Variants in FBLN1 observed in about 807,000 individuals in gnomAD.
FBLN1 encodes fibulin 1, also known as fibulin-1.
FBLN1 carries 34 observed loss-of-function variants against 89.7 expected under a neutral mutation model. That is an observed-to-expected ratio of 0.38 (90% CI 0.29 to 0.50). The LOEUF is 0.50. FBLN1 is among the 20% of genes least tolerant of loss of function. The pLI, the probability that FBLN1 is intolerant of heterozygous loss-of-function variation, is 0.92. For missense variants in FBLN1, 777 were observed against 988.1 expected (o/e 0.79, Z 2.86); for synonymous variants, 393 against 391.3 (o/e 1.00, Z -0.05).
Position 45,525,664 on chromosome 22 carries a change from G to C in FBLN1, c.307G>C (p.Ala103Pro). The C allele has an allele frequency of 6.4e-7, 1 of 1,551,484 alleles. No homozygotes were observed. Among genetic ancestry groups the C allele is most frequent in the Non-Finnish European group, 8.7e-7 (1 of 1,147,042 alleles). ...CCACGGTGACAACGCCAGCCTGGAG[G>C]CCACATTTGTGAAGGTGAGAGCCAA... The part of the protein sequence containing the change: ...TPHGDNASLE[A>P]TFVKRCCHCC... Residue 103 changes from alanine to proline, a missense_variant, in exon 3 of 17, where the codon GCC becomes CCC. Transcript: ENST00000327858.
At position 45,550,411 on chromosome 22, in the gene FBLN1, A is replaced by T. The variant is rs2088686339; in HGVS notation, c.1574-81A>T. On this transcript the variant is annotated intron_variant, in intron 13 of 16. Transcript: ENST00000327858. This position sits in a 1 kb window ranked among gnomAD's most constrained non-coding sequence, Gnocchi z 8.4. ...GCCACCCCTAACCCTAGTTGATGGG[A>T]GGCCTGGGCTCCTCCGTCTCCAGAT... 1.2e-6 allele frequency: 2 copies of T among 1,602,774 alleles called. No individual in the cohort carries two copies. Among genetic ancestry groups the T allele is most frequent in the Non-Finnish European group, 1.7e-6 (2 of 1,172,466 alleles).
chr22:45,555,037 G>A lies in FBLN1; in HGVS notation c.1697+4422G>A, dbSNP rs376083954. Among the ~76,000 whole-genome samples the A allele has an allele frequency of 7.2e-3, 1,063 of 148,622 alleles. 8 individuals carry two copies. The highest frequency in any genetic ancestry group is 0.017 in the South Asian group (78 of 4,606). ...ACCCGTCCCCGTCTCCACCGCAGGA[G>A]GTTAGGACCCGTCCCCGTCTCCACC... On this transcript the variant is annotated intron_variant, in intron 14 of 16. Transcript: ENST00000327858.
intron 2 of FBLN1, among the ~76,000 whole-genome samples, chr22:45,522,662 C>T (rs1350396330): frequency 6.6e-6 from 1 of 152,212 alleles, no homozygotes; most frequent in Non-Finnish European, 1.5e-5. Flanking sequence ...CATCATGAAT[C>T]ATCTTGACTC....
intron 2 of FBLN1, among the ~76,000 whole-genome samples, chr22:45,523,961 C>G (rs182895432): frequency 1.9e-4 from 29 of 152,210 alleles, no homozygotes; most frequent in Non-Finnish European, 3.8e-4. Context: ...TTCTGGCTAG[C>G]CAATAGTTTT....
At chr22:45,560,708 C>T (rs1223707483) in intron 14 of FBLN1, among the ~76,000 whole-genome samples, 1 of 152,148 alleles carries the variant, frequency 6.6e-6, no homozygotes, top group Non-Finnish European at 1.5e-5. Context: ...GCCCGTTCTC[C>T]AGATTAGTTT....
At position 45,563,223 on chromosome 22, in the gene FBLN1, C is replaced by T. The variant is rs1482531270; in HGVS notation, c.1698-11288C>T. The T allele has an allele frequency of 1.9e-6, 3 of 1,613,662 alleles. No homozygotes were observed. Among genetic ancestry groups the T allele is most frequent in the African/African-American group, 2.7e-5 (2 of 74,914 alleles). ...CTCTCTCGCCACGGCACCGTCAGCTCCTTTGTGGCCAAGCTTTTCATCTTT... is the reference window on the plus strand; with the variant it reads ...CTCTCTCGCCACGGCACCGTCAGCTTCTTTGTGGCCAAGCTTTTCATCTTT... On this transcript the variant is annotated intron_variant, in intron 14 of 16. Coordinates refer to ENST00000327858, the MANE Select transcript of FBLN1 (RefSeq NM_006486.3). This position sits in a 1 kb window ranked among gnomAD's most constrained non-coding sequence, Gnocchi z 5.7.
chr22:45,600,247 A>G, intron 16 of FBLN1, 60 bp from the exon 17 acceptor site: 2 of 1,609,002 alleles, frequency 1.2e-6, no homozygotes, highest in Non-Finnish European at 1.7e-6. Flanking sequence ...ACCATTTCCC[A>G]GATCTCTACG....
At chr22:45,533,673 C>A in intron 6 of FBLN1, 88 bp from the exon 7 acceptor site, 1 of 1,509,238 alleles carries the variant, frequency 6.6e-7, no homozygotes, top group Non-Finnish European at 9.1e-7. Context: ...GAAGCACTTC[C>A]ACCGTGGCTT....
intron 14 of FBLN1, among the ~76,000 whole-genome samples, chr22:45,570,319 CAA>C (rs761469854): frequency 2.2e-4 from 8 of 36,424 alleles, no homozygotes; most frequent in Non-Finnish European, 3.2e-4. Flanking sequence ...GACTCTGTCT[CAA>C]AAAAAAAAAA....
chr22:45,559,675 C>T (rs900075755), intron 14 of FBLN1, among the ~76,000 whole-genome samples: 43 of 152,316 alleles, frequency 2.8e-4, no homozygotes, highest in African/African-American at 9.6e-4. Flanking sequence ...CTCCTTAAGC[C>T]CCTATTTAAC....
intron 16 of FBLN1, among the ~76,000 whole-genome samples, chr22:45,598,871 T>C (rs1382835592): frequency 6.6e-6 from 1 of 152,212 alleles, no homozygotes; most frequent in East Asian, 1.9e-4. Flanking sequence ...TGGCACCGTT[T>C]GTTGCTGGGG....
At position 45,550,256 on chromosome 22, in the gene FBLN1, C is replaced by T. The variant is rs565174130; in HGVS notation, c.1574-236C>T. Among the ~76,000 whole-genome samples the T allele has an allele frequency of 1.3e-5, 2 of 152,330 alleles. No homozygotes were observed. The highest frequency in any genetic ancestry group is 1.3e-4 in the Admixed American group (2 of 15,302). On this transcript the variant is annotated intron_variant, in intron 13 of 16. Coordinates refer to ENST00000327858, the MANE Select transcript of FBLN1 (RefSeq NM_006486.3). This position sits in a 1 kb window ranked among gnomAD's most constrained non-coding sequence, Gnocchi z 8.4. Reference sequence around the variant, plus strand: ...ATCATGTAGTGTTTACTTTTACCATCGTCACGCTCCCTCCAGGGATTGCGA... The same window carrying T: ...ATCATGTAGTGTTTACTTTTACCATTGTCACGCTCCCTCCAGGGATTGCGA...
intron 2 of FBLN1, among the ~76,000 whole-genome samples, chr22:45,521,189 T>C (rs574362861): frequency 6.6e-6 from 1 of 152,328 alleles, no homozygotes; most frequent in East Asian, 1.9e-4. Context: ...ATTTCAGACA[T>C]ACATTAGATT....
chr22:45,585,548 C>T (rs1418125213), intron 16 of FBLN1, among the ~76,000 whole-genome samples: 3 of 152,218 alleles, frequency 2.0e-5, no homozygotes, highest in South Asian at 2.1e-4. Flanking sequence ...CTGGCTTTCA[C>T]GGCAAATCCC....
chr22:45,518,659 A>G (rs1301787858), intron 1 of FBLN1, 23 bp from the exon 2 acceptor site: 7 of 1,572,038 alleles, frequency 4.5e-6, no homozygotes, highest in East Asian at 4.7e-5. Context: ...GCCACCTCTC[A>G]GCTTGTTCTC....
intron 16 of FBLN1, among the ~76,000 whole-genome samples, chr22:45,599,827 G>A (rs1184136116): frequency 6.6e-6 from 1 of 152,196 alleles, no homozygotes; most frequent in Non-Finnish European, 1.5e-5. Context: ...TGAGGCAGGA[G>A]AATGGCTTGA....
chr22:45,564,869 T>C (rs1263776372), intron 14 of FBLN1: 2 of 1,613,622 alleles, frequency 1.2e-6, no homozygotes, highest in Admixed American at 1.7e-5. Flanking sequence ...GACACTGTGC[T>C]GACACTGTTT....
chr22:45,567,248 C>G (rs2088907873), intron 14 of FBLN1, among the ~76,000 whole-genome samples: 1 of 152,212 alleles, frequency 6.6e-6, no homozygotes, highest in Admixed American at 6.5e-5. Context: ...AAACTCAAAA[C>G]AGGATATCTT....
At chr22:45,516,408 C>T (rs1383224826) in intron 1 of FBLN1, among the ~76,000 whole-genome samples, 1 of 152,212 alleles carries the variant, frequency 6.6e-6, no homozygotes, top group Non-Finnish European at 1.5e-5. Flanking sequence ...CGGCCTGTCT[C>T]GTCTGTAACA....
Sources: allele counts gnomAD v4.1 joint callset (sites outside exome capture counted in the v4.1 genomes callset), GRCh38; gene constraint gnomAD v4.1.1; non-coding constraint Gnocchi (gnomAD v3.1); transcripts MANE v1.5; gene names NCBI Gene and HGNC (gene_info 2026-07-23, HGNC 2026-07-21).